TCTN1: variants seen among roughly 807,000 people sequenced by gnomAD.
TCTN1 encodes the protein tectonic-1.
TCTN1 carries 58 observed loss-of-function variants against 65.8 expected under a neutral mutation model. That is an observed-to-expected ratio of 0.88 (90% confidence interval 0.71 to 1.10). TCTN1 has a LOEUF of 1.10. Among genes scored for constraint, TCTN1 ranks in the 50% least tolerant of loss-of-function variants. The pLI is 0.00. For synonymous variants in TCTN1, 273 were observed against 289.1 expected, an observed-to-expected ratio of 0.94 and a Z score of 0.57; for missense variants, 645 against 719.4, an observed-to-expected ratio of 0.90 and a Z score of 1.18.
chr12:110,620,804 A>C (rs1433678319), intron 2 of TCTN1, among the ~76,000 whole-genome samples: 2 of 149,776 alleles, frequency 1.3e-5, no homozygotes, highest in African/African-American at 2.5e-5. Flanking sequence ...TGAGGTTTCA[A>C]GGCTTCTTTT....
intron 12 of TCTN1, chr12:110,646,063 G>A (rs1164461842): frequency 6.6e-6 from 1 of 152,266 alleles, no homozygotes; most frequent in East Asian, 1.9e-4. Flanking sequence ...CCTCAGAAGG[G>A]AAGACATGGG....
intron 6 of TCTN1, among the ~76,000 whole-genome samples, chr12:110,635,304 G>C (rs572657489): frequency 1.3e-5 from 2 of 152,256 alleles, no homozygotes; most frequent in East Asian, 3.9e-4. Context: ...GAGGCCACTG[G>C]CCCACATGAC....
intron 7 of TCTN1, among the ~76,000 whole-genome samples, chr12:110,638,908 T>G (rs984034578): frequency 1.3e-5 from 2 of 152,208 alleles, no homozygotes; most frequent in Non-Finnish European, 2.9e-5. Flanking sequence ...CTGAAACCCC[T>G]TGGTGCGGCA....
At chr12:110,645,161 G>C in intron 12 of TCTN1, 32 bp downstream of exon 12, 1 of 1,611,922 alleles carries the variant, frequency 6.2e-7, no homozygotes, top group East Asian at 2.2e-5. Context: ...TTCCATGCTA[G>C]TGGTCTCTGT....
Position 110,628,906 on chromosome 12 carries a change from T to A in TCTN1, c.612T>A (p.Ala204=), listed in dbSNP as rs983405128. Residue 204 remains alanine, a synonymous_variant, in exon 4 of 15, where the codon GCT becomes GCA. Transcript: ENST00000397659. ...SFTTKLDIPT[A]AKYEYGVPLQ... Reference sequence around the variant, plus strand: ...CAACCAAACTGGATATTCCTACTGCTGCTAAATATGAGGTGAGCCTGAACT... The same window carrying A: ...CAACCAAACTGGATATTCCTACTGCAGCTAAATATGAGGTGAGCCTGAACT... The A allele has an allele frequency of 3.7e-6, 6 of 1,613,560 alleles. No individual in the cohort carries two copies. The African/African-American group carries it at 8.0e-5, about 22-fold the overall frequency.
intron 1 of TCTN1, 171 bp downstream of exon 1, chr12:110,614,573 T>C (rs548409257): frequency 7.5e-7 from 1 of 1,337,702 alleles, no homozygotes; most frequent in African/African-American, 1.4e-5. Flanking sequence ...GAGAAGTAGC[T>C]GTTACTATCA....
In TCTN1 at chr12:110,649,426, A is replaced by G. The variant is rs767677920; in HGVS notation, c.*385A>G. The G allele has an allele frequency of 5.0e-5, 81 of 1,609,346 alleles. No individual in the cohort carries two copies. The Middle Eastern group carries it at 9.9e-4, about 20-fold the overall frequency. On this transcript the variant is annotated 3_prime_UTR_variant, in exon 15 of 15. Coordinates refer to ENST00000397659, the MANE Select transcript of TCTN1 (RefSeq NM_001082538.3). ...GGTCCGGGTCTAGTTCACTTCACCA[A>G]GAAGTCCATGCTGTCGCAATAGTTT...
chr12:110,647,390 T>G (rs973302118), intron 13 of TCTN1, 54 bp downstream of exon 13: 4 of 1,604,890 alleles, frequency 2.5e-6, no homozygotes, highest in Non-Finnish European at 3.4e-6. Flanking sequence ...TAGACACAAC[T>G]CAAGTGTGGT....
In TCTN1 at chr12:110,628,757, T is replaced by A. The variant is rs12307716; in HGVS notation, c.473-10T>A. 10,435 of 1,586,524 alleles carry A rather than the reference T, an allele frequency of 6.6e-3. 290 individuals carry two copies. The African/African-American group carries it at 0.083, about 13-fold the overall frequency. On this transcript the variant is annotated splice_polypyrimidine_tract_variant and intron_variant, in intron 3 of 14. Transcript: ENST00000397659. Reference sequence around the variant, plus strand: ...TACCGATTTAAAATACTGTTTTTTTTAAAAAACAGATAAACCTGCATTATC... The same window carrying A: ...TACCGATTTAAAATACTGTTTTTTTAAAAAAACAGATAAACCTGCATTATC...
rs939444570 is a variant in TCTN1, at chr12:110,639,440, G to C, written c.844-943G>C. Reference sequence around the variant, plus strand: ...AATCCTACCACCCAGAGAAACCACTGTGTGTGTGTGTGTGTGTGTGTATGT... The same window carrying C: ...AATCCTACCACCCAGAGAAACCACTCTGTGTGTGTGTGTGTGTGTGTATGT... On this transcript the variant is annotated intron_variant, in intron 7 of 14. Coordinates refer to ENST00000397659, the MANE Select transcript of TCTN1 (RefSeq NM_001082538.3). The surrounding 1 kb of genome is among the most constrained non-coding windows in gnomAD (Gnocchi z 4.9). Among the ~76,000 whole-genome samples, 3 of 145,858 alleles carry C rather than the reference G, an allele frequency of 2.1e-5. No homozygotes were observed. Among genetic ancestry groups the C allele is most frequent in the African/African-American group, 7.4e-5 (3 of 40,514 alleles).
In TCTN1 at chr12:110,637,520, T is replaced by C. The variant is rs934424872; in HGVS notation, c.843+1019T>C. On this transcript the variant is annotated intron_variant, in intron 7 of 14. Coordinates refer to ENST00000397659, the MANE Select transcript of TCTN1 (RefSeq NM_001082538.3). ...GATGTTACTTGTGTTTTCAAACTTG[T>C]TTTAGTTATAGAGACCCTTTCTTAA... Among the ~76,000 whole-genome samples the C allele has an allele frequency of 2.0e-5, 3 of 151,996 alleles. No individual in the cohort carries two copies. The East Asian group carries it at 5.9e-4, about 30-fold the overall frequency.
chr12:110,640,414 A>G lies in TCTN1; in HGVS notation c.875A>G (p.Gln292Arg). The G allele has an allele frequency of 6.2e-7, 1 of 1,614,114 alleles. No individual in the cohort carries two copies. Among genetic ancestry groups the G allele is most frequent in the Middle Eastern group, 1.6e-4 (1 of 6,062 alleles). Residue 292 changes from glutamine (Q) to arginine (R), a missense_variant, in exon 8 of 15, where the codon CAG (glutamine) becomes CGG (arginine). Coordinates refer to ENST00000397659, the MANE Select transcript of TCTN1 (RefSeq NM_001082538.3). The surrounding 1 kb of genome is among the most constrained non-coding windows in gnomAD (Gnocchi z 4.9). The stretch of plus-strand genomic sequence containing the variant: ...ATCACTGTTCAGTCCATCGTCATTC[A>G]GTCTCTAAATAAAACGCTCACCCGA... The part of the protein sequence containing the change: ...VPITVQSIVI[Q>R]SLNKTLTRRE...
In TCTN1 at chr12:110,636,474, T is replaced by TA; in HGVS notation, c.823-6dup. 1 of 1,372,926 alleles carries TA rather than the reference T, an allele frequency of 7.3e-7. No homozygotes were observed. The highest frequency in any genetic ancestry group is 1.0e-6 in the Non-Finnish European group (1 of 972,320). 85.0% of individuals were successfully genotyped at this position (1,372,926 alleles called of 1,614,324 possible). ...AACACAATTTTTTGTGGTTTCTTTT[T>TA]ATCTAGGTACCTGATTCAAGAAAAA... On this transcript the variant is annotated splice_polypyrimidine_tract_variant and splice_region_variant and intron_variant, in intron 6 of 14. Coordinates refer to ENST00000397659, the MANE Select transcript of TCTN1 (RefSeq NM_001082538.3).
chr12:110,625,713 C>A (rs1034606954), intron 2 of TCTN1: 1 of 150,612 alleles, frequency 6.6e-6, no homozygotes, highest in Admixed American at 6.6e-5. Context: ...CCACTGCACT[C>A]CAGCCTGGGA....
At chr12:110,635,937 G>A (rs2066539952) in intron 6 of TCTN1, 1 of 159,652 alleles carries the variant, frequency 6.3e-6, no homozygotes, top group Admixed American at 5.9e-5. Flanking sequence ...TTCAGCACAG[G>A]TCTCTCCAAA....
chr12:110,641,489 AT>A, intron 9 of TCTN1, 52 bp from the exon 10 acceptor site: 1 of 1,529,998 alleles, frequency 6.5e-7, no homozygotes, highest in East Asian at 2.2e-5. Flanking sequence ...TCTTCCTGCC[AT>A]TTCCTTATTA....
At chr12:110,623,582 A>G (rs562037417) in intron 2 of TCTN1, among the ~76,000 whole-genome samples, 124 of 152,316 alleles carry the variant, frequency 8.1e-4, no homozygotes, top group African/African-American at 3.0e-3. Context: ...AGTCATAAAG[A>G]TGTATGTATA....
intron 1 of TCTN1, among the ~76,000 whole-genome samples, chr12:110,615,929 C>T (rs760981838): frequency 5.4e-4 from 82 of 152,194 alleles, no homozygotes; most frequent in African/African-American, 1.4e-3. Flanking sequence ...TTCTGAATTA[C>T]GAGTAATCTG....
intron 10 of TCTN1, 107 bp downstream of exon 10, chr12:110,641,734 A>G: frequency 8.5e-7 from 1 of 1,177,270 alleles, no homozygotes; most frequent in Non-Finnish European, 1.3e-6. Context: ...TGGGAAGGAG[A>G]GAGCAGTCCA....
Sources: allele counts gnomAD v4.1 joint callset (sites outside exome capture counted in the v4.1 genomes callset), GRCh38; gene constraint gnomAD v4.1.1; non-coding constraint Gnocchi (gnomAD v3.1); transcripts MANE v1.5; gene names NCBI Gene and HGNC (gene_info 2026-07-23, HGNC 2026-07-21).